Variants in CPA6 observed in about 807,000 individuals in gnomAD.
The protein encoded by CPA6 is carboxypeptidase B.
Under a neutral mutation model 63.3 loss-of-function variants are expected in CPA6, and 58 were observed. The ratio of observed to expected loss-of-function variants is 0.92; its 90% CI spans 0.74 to 1.14. The LOEUF is 1.14. CPA6 is among the 50% of genes most tolerant of loss of function. The pLI, the probability that CPA6 is intolerant of heterozygous loss-of-function variation, is 0.00. For missense variants in CPA6, 565 were observed against 526.6 expected, an observed-to-expected ratio of 1.07 and a Z score of -0.71; for synonymous variants, 185 against 179.0, an observed-to-expected ratio of 1.03 and a Z score of -0.27.
chr8:67,629,854 C>T (rs1309122430), intron 1 of CPA6, among the ~76,000 whole-genome samples: 1 of 151,884 alleles, frequency 6.6e-6, no homozygotes, highest in Admixed American at 6.6e-5. Flanking sequence ...CACCTGTAAT[C>T]CCAGTACTTT....
chr8:67,567,522 G>A (rs928356111), intron 2 of CPA6, among the ~76,000 whole-genome samples: 1 of 152,180 alleles, frequency 6.6e-6, no homozygotes, highest in East Asian at 1.9e-4. Flanking sequence ...TTGTCTGGAG[G>A]TCAGCAAGGT....
At chr8:67,486,494 CAAT>C (rs1476637022) in intron 6 of CPA6, among the ~76,000 whole-genome samples, 1 of 152,188 alleles carries the variant, frequency 6.6e-6, no homozygotes, top group African/African-American at 2.4e-5. Flanking sequence ...GATGTTCACA[CAAT>C]GATGAAATCG....
intron 8 of CPA6, 167 bp downstream of exon 8, chr8:67,483,601 T>G (rs72655000): frequency 9.8e-6 from 6 of 612,114 alleles, no homozygotes; most frequent in East Asian, 2.8e-5. Flanking sequence ...ATCCTTTCAT[T>G]TTCTTTTGCC....
chr8:67,534,336 G>A (rs1461141795), intron 2 of CPA6, among the ~76,000 whole-genome samples: 1 of 152,192 alleles, frequency 6.6e-6, no homozygotes, highest in African/African-American at 2.4e-5. Flanking sequence ...CTTGGTGGGA[G>A]AGCTCAGAGA....
intron 2 of CPA6, among the ~76,000 whole-genome samples, chr8:67,604,461 A>G (rs2128983774): frequency 6.6e-6 from 1 of 152,306 alleles, no homozygotes; most frequent in Middle Eastern, 3.4e-3. Context: ...TCCATTTAAA[A>G]TTACATTGCG....
At chr8:67,573,251 T>C (rs537443546) in intron 2 of CPA6, among the ~76,000 whole-genome samples, 1 of 152,198 alleles carries the variant, frequency 6.6e-6, no homozygotes, top group Non-Finnish European at 1.5e-5. Flanking sequence ...CTATTTAATT[T>C]AGTATTGAAA....
At chr8:67,517,435 C>T (rs555753963) in intron 3 of CPA6, among the ~76,000 whole-genome samples, 1 of 152,326 alleles carries the variant, frequency 6.6e-6, no homozygotes, top group East Asian at 1.9e-4. Context: ...GCTCCTGCCC[C>T]TGCACATAAG....
intron 1 of CPA6, among the ~76,000 whole-genome samples, chr8:67,676,247 T>C (rs982968719): frequency 6.6e-6 from 1 of 152,194 alleles, no homozygotes; most frequent in African/African-American, 2.4e-5. Context: ...TTTATAAATA[T>C]GGAGAGGCAG....
chr8:67,469,087 C>G (rs548785259), intron 8 of CPA6, among the ~76,000 whole-genome samples: 1 of 152,098 alleles, frequency 6.6e-6, no homozygotes, highest in Non-Finnish European at 1.5e-5. Context: ...TACATGTGTG[C>G]GTATTTATAT....
intron 8 of CPA6, among the ~76,000 whole-genome samples, chr8:67,455,663 CAAAAAAAAAAAAAAAAA>C (rs552041509): frequency 3.3e-5 from 1 of 30,250 alleles, no homozygotes; most frequent in African/African-American, 1.6e-4. Context: ...TCTACAAAAG[CAAAAAAAAAAAAAAAAA>C]AAAAAAAAAA....
At chr8:67,629,835 G>A (rs1815281496) in intron 1 of CPA6, among the ~76,000 whole-genome samples, 1 of 151,920 alleles carries the variant, frequency 6.6e-6, no homozygotes, top group African/African-American at 2.4e-5. Context: ...GGCTGGGCGT[G>A]GTGGCTCACA....
At chr8:67,631,606 G>T (rs1815331604) in intron 1 of CPA6, among the ~76,000 whole-genome samples, 1 of 152,174 alleles carries the variant, frequency 6.6e-6, no homozygotes. Context: ...GATGTGGGTG[G>T]GGCCAGATAA....
chr8:67,473,163 C>A (rs904583943), intron 8 of CPA6, among the ~76,000 whole-genome samples: 3 of 152,152 alleles, frequency 2.0e-5, no homozygotes, highest in Non-Finnish European at 4.4e-5. Context: ...AAAAGGAAAG[C>A]TTTTTGTATT....
At chr8:67,475,899 TTTC>T (rs1811213782) in intron 8 of CPA6, among the ~76,000 whole-genome samples, 16 of 94,082 alleles carry the variant, frequency 1.7e-4, no homozygotes, top group African/African-American at 2.9e-4. Context: ...TCTTTCTTTC[TTTC>T]TTTCTTTCTT....
chr8:67,605,272 G>A (rs1020138607), intron 2 of CPA6, among the ~76,000 whole-genome samples: 2 of 151,990 alleles, frequency 1.3e-5, no homozygotes, highest in African/African-American at 4.8e-5. Context: ...TTCTCAGTCT[G>A]TGTTAGATTT....
chr8:67,535,125 G>T (rs1308815093), intron 2 of CPA6, among the ~76,000 whole-genome samples: 2 of 152,134 alleles, frequency 1.3e-5, no homozygotes, highest in Admixed American at 6.5e-5. Context: ...TGGGCATTTG[G>T]GTTGGTTGGG....
chr8:67,453,230 G>T, intron 8 of CPA6, among the ~76,000 whole-genome samples: 1 of 152,108 alleles, frequency 6.6e-6, no homozygotes, highest in East Asian at 1.9e-4. Context: ...AACAGAAGTG[G>T]TCAGAAAGGG....
intron 2 of CPA6, among the ~76,000 whole-genome samples, chr8:67,564,222 T>G (rs545132080): frequency 6.6e-6 from 1 of 152,278 alleles, no homozygotes; most frequent in African/African-American, 2.4e-5. Context: ...GCAACTGGTC[T>G]CTGGTTCTAG....
intron 9 of CPA6, among the ~76,000 whole-genome samples, chr8:67,430,242 T>A (rs908548279): frequency 2.7e-5 from 4 of 150,256 alleles, no homozygotes; most frequent in Non-Finnish European, 5.9e-5. Flanking sequence ...TGCAATGGCG[T>A]GATCTCGGCT....
Sources: allele counts gnomAD v4.1 joint callset (sites outside exome capture counted in the v4.1 genomes callset), GRCh38; gene constraint gnomAD v4.1.1; transcripts MANE v1.5; gene names NCBI Gene and HGNC (gene_info 2026-07-23, HGNC 2026-07-21).